Variants in UBE2E1 observed in about 807,000 individuals in gnomAD.
UBE2E1 encodes ubiquitin-conjugating enzyme E2 E1.
A neutral mutation model predicts 21.4 loss-of-function variants in UBE2E1; 6 were observed. The observed-to-expected ratio is 0.28, with a 90% CI of 0.15 to 0.55. The LOEUF is 0.55. Ranked by LOEUF, UBE2E1 falls within the 20% of genes least tolerant of loss-of-function variation. The pLI, the probability that UBE2E1 is intolerant of heterozygous loss-of-function variation, is 0.93. For missense variants in UBE2E1, 142 were observed against 236.5 expected (o/e 0.60, Z 2.62); for synonymous variants, 87 against 82.7 (o/e 1.05, Z -0.28).
chr3:23,818,152 G>A (rs538755552), intron 3 of UBE2E1, among the ~76,000 whole-genome samples: 27 of 152,326 alleles, frequency 1.8e-4, no homozygotes, highest in African/African-American at 6.5e-4. Context: ...GGGTTCTTCT[G>A]GGTGTTGGGG....
chr3:23,842,250 G>GGTGT lies in UBE2E1; in HGVS notation c.203+30740_203+30741insGTGT, dbSNP rs79440666. On this transcript the variant is annotated intron_variant, in intron 3 of 5. Coordinates refer to ENST00000306627, the MANE Select transcript of UBE2E1 (RefSeq NM_003341.5). The surrounding 1 kb of genome is among the most constrained non-coding windows in gnomAD (Gnocchi z 4.6). ...GTGTGTGTGTGTGTGTGTGTGTGTG[G>GGTGT]TGTTGTTGTTGTTGGCGACAGGGTC... 0.074 allele frequency among the ~76,000 whole-genome samples: 6,382 copies of GGTGT among 85,714 alleles called. 265 individuals carry two copies. The highest frequency in any genetic ancestry group is 0.096 in the Admixed American group (737 of 7,638). The allele number at this position is 85,714 out of a possible 152,430, so 56.2% of individuals were successfully genotyped here.
At chr3:23,884,824 T>C (rs184044797) in intron 3 of UBE2E1, among the ~76,000 whole-genome samples, 10 of 152,350 alleles carry the variant, frequency 6.6e-5, no homozygotes, top group Admixed American at 5.9e-4. Context: ...GTTCCTCATC[T>C]GTAAAAAGAT....
chr3:23,854,115 G>A (rs1290796960), intron 3 of UBE2E1, among the ~76,000 whole-genome samples: 1 of 151,920 alleles, frequency 6.6e-6, no homozygotes, highest in Non-Finnish European at 1.5e-5. Flanking sequence ...AAAATTAACC[G>A]ATTGTGGTAG....
chr3:23,829,942 A>G (rs1354721593), intron 3 of UBE2E1, among the ~76,000 whole-genome samples: 1 of 152,060 alleles, frequency 6.6e-6, no homozygotes, highest in Non-Finnish European at 1.5e-5. Flanking sequence ...TGGCATTGTC[A>G]GGATATGGGT....
chr3:23,884,155 G>C (rs1398350549), intron 3 of UBE2E1, among the ~76,000 whole-genome samples: 1 of 152,026 alleles, frequency 6.6e-6, no homozygotes, highest in African/African-American at 2.4e-5. Context: ...TCATTATGTA[G>C]TTGTACTTGA....
intron 3 of UBE2E1, among the ~76,000 whole-genome samples, chr3:23,817,278 C>T (rs992173696): frequency 4.0e-5 from 6 of 151,890 alleles, no homozygotes; most frequent in Non-Finnish European, 5.9e-5. Flanking sequence ...AAAAATTAGC[C>T]GGGCGTGGTG....
intron 3 of UBE2E1, among the ~76,000 whole-genome samples, chr3:23,883,111 A>G (rs748884996): frequency 7.9e-5 from 12 of 152,178 alleles, no homozygotes; most frequent in Non-Finnish European, 1.5e-4. Flanking sequence ...TTTAGTATCA[A>G]TTTCAACCCT....
At chr3:23,881,973 G>T (rs1575039495) in intron 3 of UBE2E1, among the ~76,000 whole-genome samples, 1 of 152,196 alleles carries the variant, frequency 6.6e-6, no homozygotes, top group Admixed American at 6.6e-5. Context: ...ATTCCTTCTG[G>T]TGGGTTCGTG....
intron 3 of UBE2E1, 76 bp downstream of exon 3, chr3:23,811,586 ACTTTTT>A (rs1183973701): frequency 2.1e-6 from 3 of 1,401,096 alleles, no homozygotes; most frequent in Non-Finnish European, 3.0e-6. Flanking sequence ...TTTATTATAT[ACTTTTT>A]CTTTGATTCT....
chr3:23,873,390 T>TGA (rs1403109800), intron 3 of UBE2E1, among the ~76,000 whole-genome samples: 1 of 151,888 alleles, frequency 6.6e-6, no homozygotes. Flanking sequence ...GGACCTAGGA[T>TGA]GAGAGACCCC....
At chr3:23,879,254 T>G in intron 3 of UBE2E1, 1 of 889,718 alleles carries the variant, frequency 1.1e-6, no homozygotes. Flanking sequence ...ACAGTGGCCT[T>G]ACTTTGTCCT....
intron 3 of UBE2E1, among the ~76,000 whole-genome samples, chr3:23,864,316 A>G (rs1700610892): frequency 6.6e-6 from 1 of 151,540 alleles, no homozygotes; most frequent in Non-Finnish European, 1.5e-5. Flanking sequence ...CCTCCAATGT[A>G]CTGTGCCTTT....
chr3:23,887,464 TAAAC>T lies in UBE2E1; in HGVS notation c.204-99_204-96del. On this transcript the variant is annotated intron_variant, in intron 3 of 5. Coordinates refer to ENST00000306627, the MANE Select transcript of UBE2E1 (RefSeq NM_003341.5). The surrounding 1 kb of genome is among the most constrained non-coding windows in gnomAD (Gnocchi z 4.4). ...TGTTTTGTAAAGAGAATCCACACAGTAAACAAAAGAGAGGAGAGAGGTAATCTTT... is the reference window on the plus strand; with the variant it reads ...TGTTTTGTAAAGAGAATCCACACAGTAAAAGAGAGGAGAGAGGTAATCTTT... The T allele has an allele frequency of 7.7e-6, 11 of 1,432,488 alleles. No individual in the cohort carries two copies. The highest frequency in any genetic ancestry group is 1.0e-5 in the Non-Finnish European group (11 of 1,081,270). 88.7% of individuals were successfully genotyped at this position (1,432,488 alleles called of 1,614,324 possible).
At chr3:23,850,637 G>A (rs1218791168) in intron 3 of UBE2E1, among the ~76,000 whole-genome samples, 3 of 150,082 alleles carry the variant, frequency 2.0e-5, no homozygotes, top group Non-Finnish European at 4.4e-5. Flanking sequence ...CAGCCAAGTA[G>A]CTGGGACTAC....
intron 3 of UBE2E1, among the ~76,000 whole-genome samples, chr3:23,886,826 G>T (rs533961448): frequency 2.0e-5 from 3 of 152,324 alleles, no homozygotes; most frequent in Non-Finnish European, 4.4e-5. Flanking sequence ...TTATTTAAAA[G>T]AGTAGTTTTG....
chr3:23,848,267 G>A (rs966945458), intron 3 of UBE2E1, among the ~76,000 whole-genome samples: 1 of 152,138 alleles, frequency 6.6e-6, no homozygotes, highest in African/African-American at 2.4e-5. Flanking sequence ...TCAGGAGTTT[G>A]AGACCAGCCT....
chr3:23,826,722 A>G (rs548652578), intron 3 of UBE2E1, among the ~76,000 whole-genome samples: 138 of 152,204 alleles, frequency 9.1e-4, no homozygotes, highest in Middle Eastern at 3.4e-3. Context: ...TCATTTTTTC[A>G]TAGTTTTTTG....
intron 3 of UBE2E1, among the ~76,000 whole-genome samples, chr3:23,865,001 C>G (rs1700625259): frequency 6.6e-6 from 1 of 152,234 alleles, no homozygotes; most frequent in African/African-American, 2.4e-5. Context: ...TTCAGACTGT[C>G]AGGATTTCTC....
intron 3 of UBE2E1, among the ~76,000 whole-genome samples, chr3:23,840,454 C>T (rs1700062300): frequency 6.6e-6 from 1 of 152,120 alleles, no homozygotes; most frequent in Non-Finnish European, 1.5e-5. Context: ...TTAGTCTGAT[C>T]CTTTTGAGGC....
Sources: gnomAD v4.1 joint callset for allele counts (sites outside exome capture counted in the v4.1 genomes callset) on GRCh38, gnomAD v4.1.1 for gene constraint, Gnocchi (gnomAD v3.1) non-coding constraint, MANE v1.5 for transcripts, NCBI Gene and HGNC (gene_info 2026-07-23, HGNC 2026-07-21) for gene names.